CUL1: variants seen among roughly 807,000 people sequenced by gnomAD.
CUL1 encodes cullin-1.
In CUL1, 24 loss-of-function variants were observed where a neutral mutation model predicts 118.0. That is an observed-to-expected ratio of 0.20 (90% confidence interval 0.15 to 0.29). The LOEUF is 0.29. Among genes scored for constraint, CUL1 ranks in the 10% least tolerant of loss-of-function variants. The pLI is 1.00. For synonymous variants in CUL1, 332 were observed against 340.4 expected, an observed-to-expected ratio of 0.98 and a Z score of 0.27; for missense variants, 361 against 933.8, an observed-to-expected ratio of 0.39 and a Z score of 7.99.
chr7:148,748,688 G>A (rs1415895257), intron 2 of CUL1, among the ~76,000 whole-genome samples: 1 of 152,120 alleles, frequency 6.6e-6, no homozygotes, highest in Admixed American at 6.6e-5. Flanking sequence ...TTAGAGATGG[G>A]CATTGTTTTT....
intron 3 of CUL1, among the ~76,000 whole-genome samples, chr7:148,754,671 G>C (rs1388393758): frequency 1.3e-5 from 2 of 152,056 alleles, no homozygotes; most frequent in African/African-American, 4.8e-5. Flanking sequence ...ATAATTGTAA[G>C]GTTATTCAGT....
upstream of CUL1, chr7:148,698,854 G>C (rs916060110): frequency 6.4e-6 from 1 of 156,378 alleles, no homozygotes; most frequent in Non-Finnish European, 1.4e-5. Flanking sequence ...AGGAGGGCCG[G>C]GCGGGCAGGG....
At chr7:148,697,809 C>T, upstream of CUL1, 1 of 152,280 alleles carries the variant, frequency 6.6e-6, no homozygotes, top group East Asian at 1.9e-4. Flanking sequence ...TTCCTCCACC[C>T]CCCGTCACCA....
chr7:148,759,255 T>A, intron 4 of CUL1, 49 bp from the exon 5 acceptor site: 1 of 1,549,808 alleles, frequency 6.5e-7, no homozygotes. Flanking sequence ...ACTTCAATCT[T>A]GGAAAAACAT....
intron 9 of CUL1, among the ~76,000 whole-genome samples, chr7:148,769,117 T>C (rs1023001679): frequency 1.3e-5 from 2 of 152,150 alleles, no homozygotes; most frequent in African/African-American, 2.4e-5. Context: ...AGCTCCACCA[T>C]TGACAGCTAT....
chr7:148,769,559 G>T (rs1800141688), intron 9 of CUL1, among the ~76,000 whole-genome samples: 1 of 152,026 alleles, frequency 6.6e-6, no homozygotes, highest in African/African-American at 2.4e-5. Flanking sequence ...TACCTATATG[G>T]GCAGCAGAGC....
chr7:148,788,774 C>A, intron 14 of CUL1, 100 bp downstream of exon 14: 2 of 793,792 alleles, frequency 2.5e-6, no homozygotes, highest in Non-Finnish European at 4.1e-6. Flanking sequence ...GGGGCTTTGT[C>A]AGAAATTCAA....
chr7:148,744,021 C>T (rs1048143948), intron 2 of CUL1, among the ~76,000 whole-genome samples: 4 of 152,112 alleles, frequency 2.6e-5, no homozygotes, highest in African/African-American at 9.7e-5. Flanking sequence ...AAATGTGTCC[C>T]TTTTTATCCC....
At position 148,730,958 on chromosome 7, in the gene CUL1, C is replaced by T. The variant is rs562698929; in HGVS notation, c.140+696C>T. ...TCCCAAGTAGCTGGGACCACAGACA[C>T]GTGCCACCACACCTGGCCAATTTTT... On this transcript the variant is annotated intron_variant, in intron 2 of 21. Coordinates refer to ENST00000325222, the MANE Select transcript of CUL1 (RefSeq NM_003592.3). Among the ~76,000 whole-genome samples the T allele has an allele frequency of 1.1e-4, 17 of 152,274 alleles. 1 individual carries two copies. Among genetic ancestry groups the T allele is most frequent in the African/African-American group, 4.1e-4 (17 of 41,546 alleles).
At chr7:148,748,284 T>C (rs1799366490) in intron 2 of CUL1, among the ~76,000 whole-genome samples, 1 of 152,098 alleles carries the variant, frequency 6.6e-6, no homozygotes. Context: ...AAGTCAATTA[T>C]GCTGTGGTGA....
At chr7:148,739,638 T>G (rs1284049219) in intron 2 of CUL1, among the ~76,000 whole-genome samples, 1 of 152,236 alleles carries the variant, frequency 6.6e-6, no homozygotes, top group Non-Finnish European at 1.5e-5. Flanking sequence ...TACCAGTGTT[T>G]TGTCAGATAT....
At chr7:148,759,910 G>A (rs1182786909) in intron 6 of CUL1, among the ~76,000 whole-genome samples, 1 of 152,146 alleles carries the variant, frequency 6.6e-6, no homozygotes, top group East Asian at 1.9e-4. Flanking sequence ...TACTGGATAT[G>A]TTAGAGTGTG....
chr7:148,708,980 C>T (rs1046125186), intron 1 of CUL1, among the ~76,000 whole-genome samples: 5 of 152,164 alleles, frequency 3.3e-5, no homozygotes. Context: ...ATATATTACA[C>T]TAAAGTTTTG....
intron 9 of CUL1, among the ~76,000 whole-genome samples, chr7:148,782,642 C>CT (rs541863674): frequency 3.9e-5 from 6 of 152,164 alleles, no homozygotes; most frequent in East Asian, 1.9e-4. Flanking sequence ...TTATATAGAG[C>CT]TTTTTTTAAC....
intron 16 of CUL1, among the ~76,000 whole-genome samples, chr7:148,791,506 A>G (rs1801007412): frequency 6.6e-6 from 1 of 152,266 alleles, no homozygotes; most frequent in Non-Finnish European, 1.5e-5. Flanking sequence ...AGAAGAATCC[A>G]TGTGTTCCAC....
intron 9 of CUL1, among the ~76,000 whole-genome samples, chr7:148,777,357 A>G (rs1800436053): frequency 6.6e-6 from 1 of 152,242 alleles, no homozygotes; most frequent in African/African-American, 2.4e-5. Flanking sequence ...GCCGGTTAAA[A>G]TAATGAGAAA....
At chr7:148,760,207 T>C (rs779995288) in intron 6 of CUL1, 126 bp from the exon 7 acceptor site, 6 of 693,296 alleles carry the variant, frequency 8.7e-6, no homozygotes, top group Non-Finnish European at 1.4e-5. Flanking sequence ...TAAGAGTTAC[T>C]TATGTCCTGC....
At chr7:148,776,482 A>G (rs1219105300) in intron 9 of CUL1, among the ~76,000 whole-genome samples, 1 of 151,364 alleles carries the variant, frequency 6.6e-6, no homozygotes, top group Non-Finnish European at 1.5e-5. Context: ...ACACCTGGCT[A>G]ATTTTTGTAT....
At chr7:148,745,114 G>C (rs1179356277) in intron 2 of CUL1, among the ~76,000 whole-genome samples, 4 of 151,932 alleles carry the variant, frequency 2.6e-5, no homozygotes, top group African/African-American at 9.7e-5. Context: ...GCAAACCCAT[G>C]ACTCGTCTTT....
Sources: allele counts gnomAD v4.1 joint callset (sites outside exome capture counted in the v4.1 genomes callset), GRCh38; gene constraint gnomAD v4.1.1; transcripts MANE v1.5; gene names NCBI Gene and HGNC (gene_info 2026-07-23, HGNC 2026-07-21).